Variants in CNTN4 observed in about 807,000 individuals in gnomAD.
The protein encoded by CNTN4 is contactin-4.
A neutral mutation model predicts 122.5 loss-of-function variants in CNTN4; 77 were observed. That is an observed-to-expected ratio of 0.63 (90% CI 0.52 to 0.76). The LOEUF (loss-of-function observed/expected upper bound fraction) is 0.76. CNTN4 is among the 30% of genes least tolerant of loss of function. CNTN4 has a pLI of 0.00. For synonymous variants in CNTN4, 512 were observed against 447.0 expected, an observed-to-expected ratio of 1.15 and a Z score of -1.83; for missense variants, 1,256 against 1,259.1, an observed-to-expected ratio of 1.00 and a Z score of 0.04.
chr3:2,294,575 G>C (rs981064574), intron 2 of CNTN4, among the ~76,000 whole-genome samples: 1 of 152,136 alleles, frequency 6.6e-6, no homozygotes. Context: ...ATGTTGCAGT[G>C]AGCCGAGATC....
intron 4 of CNTN4, among the ~76,000 whole-genome samples, chr3:2,643,139 A>G (rs2082969541): frequency 6.6e-6 from 1 of 152,064 alleles, no homozygotes; most frequent in Non-Finnish European, 1.5e-5. Flanking sequence ...TTCTCAAGTG[A>G]TCTCATAGTG....
intron 7 of CNTN4, among the ~76,000 whole-genome samples, chr3:2,857,247 G>T (rs2093627089): frequency 1.3e-5 from 2 of 152,142 alleles, no homozygotes; most frequent in African/African-American, 4.8e-5. Context: ...TTCTGAGACT[G>T]GGCATTGAAC....
intron 3 of CNTN4, among the ~76,000 whole-genome samples, chr3:2,381,871 T>A (rs541758398): frequency 1.3e-5 from 2 of 152,288 alleles, no homozygotes; most frequent in East Asian, 3.9e-4. Flanking sequence ...TTGAAATTTT[T>A]CTATGAAGGT....
At chr3:2,377,947 G>C (rs1462143278) in intron 3 of CNTN4, among the ~76,000 whole-genome samples, 1 of 152,156 alleles carries the variant, frequency 6.6e-6, no homozygotes, top group African/African-American at 2.4e-5. Context: ...TTTTCCAAAA[G>C]AGTGGATTAA....
chr3:2,308,557 T>A (rs990789748), intron 2 of CNTN4, among the ~76,000 whole-genome samples: 1 of 152,074 alleles, frequency 6.6e-6, no homozygotes, highest in Non-Finnish European at 1.5e-5. Flanking sequence ...AGCTTTAGCT[T>A]CATCTTTTAA....
At chr3:2,142,512 C>T (rs562851021) in intron 2 of CNTN4, among the ~76,000 whole-genome samples, 24 of 152,120 alleles carry the variant, frequency 1.6e-4, no homozygotes, top group African/African-American at 4.6e-4. Flanking sequence ...TACAGGTGCC[C>T]GCCATCATGC....
chr3:2,354,182 C>G (rs1001709967), intron 3 of CNTN4, among the ~76,000 whole-genome samples: 6 of 152,210 alleles, frequency 3.9e-5, no homozygotes, highest in Non-Finnish European at 7.3e-5. Flanking sequence ...TCAGTTCTAT[C>G]TTGACTCCAG....
intron 7 of CNTN4, among the ~76,000 whole-genome samples, chr3:2,834,939 C>G (rs2093189266): frequency 1.6e-5 from 1 of 60,978 alleles, no homozygotes; most frequent in Non-Finnish European, 2.7e-5. Flanking sequence ...GAGTCTCTCT[C>G]TGTCGCCCAG....
At chr3:2,241,552 G>C (rs1020750783) in intron 2 of CNTN4, among the ~76,000 whole-genome samples, 1 of 152,116 alleles carries the variant, frequency 6.6e-6, no homozygotes, top group African/African-American at 2.4e-5. Flanking sequence ...CTAATGTTTA[G>C]CTTAATGTCT....
At chr3:2,547,511 C>T (rs1396687050) in intron 3 of CNTN4, among the ~76,000 whole-genome samples, 2 of 152,172 alleles carry the variant, frequency 1.3e-5, no homozygotes, top group East Asian at 1.9e-4. Flanking sequence ...GGTGATCTGC[C>T]TACCTCGGCC....
intron 3 of CNTN4, among the ~76,000 whole-genome samples, chr3:2,551,842 T>TTTTTC (rs1214875327): frequency 2.3e-4 from 35 of 152,276 alleles, no homozygotes; most frequent in Admixed American, 1.8e-3. Context: ...TTTAAAGGTT[T>TTTTTC]TTTTCTTTAG....
At chr3:2,926,394 C>G (rs2094473762) in intron 13 of CNTN4, among the ~76,000 whole-genome samples, 1 of 152,060 alleles carries the variant, frequency 6.6e-6, no homozygotes, top group South Asian at 2.1e-4. Flanking sequence ...GTAGTGTATA[C>G]AATGCAAATA....
chr3:2,527,169 A>C (rs181154457), intron 3 of CNTN4, among the ~76,000 whole-genome samples: 203 of 152,288 alleles, frequency 1.3e-3, no homozygotes, highest in Middle Eastern at 6.8e-3. Context: ...TTAGCCATGC[A>C]CTGTTGGTGT....
chr3:2,571,199 G>A (rs768041850), intron 3 of CNTN4: 6 of 450,320 alleles, frequency 1.3e-5, no homozygotes, highest in Admixed American at 1.1e-4. Context: ...GAAGCCACAG[G>A]GACACTTCAG....
intron 2 of CNTN4, among the ~76,000 whole-genome samples, chr3:2,255,554 G>A (rs900398695): frequency 3.9e-5 from 6 of 152,080 alleles, no homozygotes; most frequent in African/African-American, 1.4e-4. Context: ...ACTCTACTCA[G>A]CAAATGCAAA....
intron 3 of CNTN4, among the ~76,000 whole-genome samples, chr3:2,383,449 G>GTACTA (rs2046107588): frequency 6.6e-6 from 1 of 151,992 alleles, no homozygotes; most frequent in South Asian, 2.1e-4. Context: ...TTTGAAGTAC[G>GTACTA]TACTATTTAT....
At chr3:2,193,288 C>G (rs1003427438) in intron 2 of CNTN4, among the ~76,000 whole-genome samples, 1 of 151,688 alleles carries the variant, frequency 6.6e-6, no homozygotes, top group Non-Finnish European at 1.5e-5. Context: ...CTGGCCCTGA[C>G]TTGTCCTAAA....
intron 4 of CNTN4, among the ~76,000 whole-genome samples, chr3:2,708,190 A>G (rs1036857750): frequency 5.9e-5 from 9 of 152,162 alleles, no homozygotes; most frequent in Middle Eastern, 3.2e-3. Flanking sequence ...ATTTACTTCA[A>G]AATGAAGGCT....
At chr3:2,350,164 A>G (rs1477192850) in intron 3 of CNTN4, among the ~76,000 whole-genome samples, 1 of 152,188 alleles carries the variant, frequency 6.6e-6, no homozygotes, top group Non-Finnish European at 1.5e-5. Context: ...CCTTGCTAGG[A>G]GAATGAAGTT....
Sources: gnomAD v4.1 joint callset for allele counts (sites outside exome capture counted in the v4.1 genomes callset) on GRCh38, gnomAD v4.1.1 for gene constraint, MANE v1.5 for transcripts, NCBI Gene and HGNC (gene_info 2026-07-23, HGNC 2026-07-21) for gene names.